Variants in RELL1 observed in about 807,000 individuals in gnomAD.
RELL1 encodes the protein RELT-like protein 1.
Under a neutral mutation model 23.0 loss-of-function variants are expected in RELL1, and 10 were observed. The ratio of observed to expected loss-of-function variants is 0.43; its 90% CI spans 0.27 to 0.74. RELL1 has a LOEUF of 0.74. Among genes scored for constraint, RELL1 ranks in the 30% least tolerant of loss-of-function variants. The probability of loss-of-function intolerance (pLI) is 0.19; values close to 1 mark genes in which losing one functional copy is unlikely to be tolerated. For synonymous variants in RELL1, 146 were observed against 146.8 expected (o/e 0.99, Z 0.04); for missense variants, 315 against 364.4 (o/e 0.86, Z 1.10).
intron 6 of RELL1, chr4:37,622,996 G>A (rs1273408612): frequency 5.5e-6 from 2 of 364,524 alleles, no homozygotes; most frequent in Non-Finnish European, 5.3e-6. Flanking sequence ...GTAGAGATGG[G>A]GTTTCACCGT....
intron 1 of RELL1, among the ~76,000 whole-genome samples, chr4:37,670,861 C>G (rs996011230): frequency 6.6e-6 from 1 of 152,134 alleles, no homozygotes; most frequent in East Asian, 1.9e-4. Context: ...CATGAGCCAC[C>G]GCACCCGGCC....
chr4:37,663,078 G>C (rs1721410539), intron 1 of RELL1, among the ~76,000 whole-genome samples: 1 of 152,132 alleles, frequency 6.6e-6, no homozygotes, highest in African/African-American at 2.4e-5. Flanking sequence ...CACATCAGTG[G>C]GGTCCTCAGA....
intron 5 of RELL1, among the ~76,000 whole-genome samples, chr4:37,632,111 A>C (rs1720163708): frequency 2.2e-5 from 3 of 138,994 alleles, no homozygotes; most frequent in Admixed American, 7.2e-5. Flanking sequence ...AAAAAAAAAC[A>C]CCTCAGAGAC....
At chr4:37,638,550 G>T in intron 3 of RELL1, 46 bp from the exon 4 acceptor site, 1 of 1,391,334 alleles carries the variant, frequency 7.2e-7, no homozygotes, top group Non-Finnish European at 1.0e-6. Context: ...GAATGAATAA[G>T]ATGAGTAATC....
At chr4:37,633,408 CAAAAAAAAAAAAAAAA>C (rs57256942) in intron 5 of RELL1, among the ~76,000 whole-genome samples, 4 of 62,990 alleles carry the variant, frequency 6.4e-5, no homozygotes, top group Non-Finnish European at 1.2e-4. Context: ...GACTCCACCT[CAAAAAAAAAAAAAAAA>C]AAAAAAAAAA....
At chr4:37,659,576 T>G (rs1487018885) in intron 1 of RELL1, among the ~76,000 whole-genome samples, 2 of 151,934 alleles carry the variant, frequency 1.3e-5, no homozygotes, top group African/African-American at 4.8e-5. Flanking sequence ...TCAAAAGGGG[T>G]TTTTCTTCAT....
intron 3 of RELL1, among the ~76,000 whole-genome samples, chr4:37,645,749 T>C (rs1411510657): frequency 6.6e-6 from 1 of 152,240 alleles, no homozygotes; most frequent in Non-Finnish European, 1.5e-5. Flanking sequence ...TATAGGGATG[T>C]TTTGAAGATT....
intron 6 of RELL1, among the ~76,000 whole-genome samples, chr4:37,596,081 T>G (rs1169759084): frequency 1.3e-5 from 2 of 152,200 alleles, no homozygotes; most frequent in Non-Finnish European, 2.9e-5. Context: ...CCTGCCCATG[T>G]GACACGTGCC....
intron 1 of RELL1, among the ~76,000 whole-genome samples, chr4:37,684,432 A>T (rs937046832): frequency 1.3e-5 from 2 of 151,958 alleles, no homozygotes; most frequent in Admixed American, 6.5e-5. Context: ...TGTTGCTCAG[A>T]GGTCAAACCA....
intron 5 of RELL1, among the ~76,000 whole-genome samples, 159 bp from the exon 6 acceptor site, chr4:37,631,682 G>A (rs1383834516): frequency 6.6e-6 from 1 of 152,060 alleles, no homozygotes; most frequent in African/African-American, 2.4e-5. Context: ...TTCCTATCCA[G>A]TACATTCCCC....
At chr4:37,686,073 T>G in intron 1 of RELL1, 127 bp downstream of exon 1, 1 of 815,776 alleles carries the variant, frequency 1.2e-6, no homozygotes. Context: ...AGTTGTTCAG[T>G]GCCGGGATCC....
chr4:37,669,084 G>A (rs1382162306), intron 1 of RELL1, among the ~76,000 whole-genome samples: 7 of 121,758 alleles, frequency 5.7e-5, no homozygotes, highest in South Asian at 5.5e-4. Context: ...CTGGCCAGCC[G>A]CCCCGTCTGG....
rs1263685940 is a variant in RELL1 at position 37,664,657 on chromosome 4, A to C, written c.89-15157T>G. 3.3e-5 allele frequency among the ~76,000 whole-genome samples: 5 copies of C among 152,194 alleles called. No homozygotes were observed. The East Asian group carries it at 9.6e-4, about 29-fold the overall frequency. ...TCATACACATGAGATAGGGACACAC[A>C]GTACAAGATATAAAAGTTCCCACCC... On this transcript the variant is annotated intron_variant, in intron 1 of 6. Transcript: ENST00000454158.
intron 6 of RELL1, among the ~76,000 whole-genome samples, chr4:37,596,015 T>A (rs568490880): frequency 6.6e-6 from 1 of 152,290 alleles, no homozygotes; most frequent in South Asian, 2.1e-4. Context: ...GCGCCCAGGG[T>A]TGACCCTTCA....
intron 1 of RELL1, among the ~76,000 whole-genome samples, chr4:37,658,907 G>C (rs759368684): frequency 6.6e-6 from 1 of 152,118 alleles, no homozygotes; most frequent in Non-Finnish European, 1.5e-5. Context: ...AGACTCCAAA[G>C]CAGTTTTACC....
intron 6 of RELL1, among the ~76,000 whole-genome samples, chr4:37,624,670 C>A (rs1208904890): frequency 6.6e-6 from 1 of 151,934 alleles, no homozygotes; most frequent in Non-Finnish European, 1.5e-5. Context: ...ACCTCGTGAT[C>A]CGCCCACCTC....
intron 1 of RELL1, among the ~76,000 whole-genome samples, chr4:37,662,874 C>G (rs1415944658): frequency 1.3e-5 from 2 of 152,098 alleles, no homozygotes; most frequent in African/African-American, 4.8e-5. Context: ...AACTTCTGGA[C>G]TCTTCCAGAG....
At chr4:37,667,899 TTGTA>T (rs1721592681) in intron 1 of RELL1, among the ~76,000 whole-genome samples, 1 of 152,116 alleles carries the variant, frequency 6.6e-6, no homozygotes, top group Non-Finnish European at 1.5e-5. Flanking sequence ...TAGAAACACT[TTGTA>T]TGAAGGGATC....
chr4:37,634,849 T>C, intron 5 of RELL1, 38 bp downstream of exon 5: 2 of 1,548,806 alleles, frequency 1.3e-6, no homozygotes, highest in East Asian at 2.2e-5. Flanking sequence ...AGAGCACCCA[T>C]GTCACACACA....
Sources: allele counts gnomAD v4.1 joint callset (sites outside exome capture counted in the v4.1 genomes callset), GRCh38; gene constraint gnomAD v4.1.1; transcripts MANE v1.5; gene names NCBI Gene and HGNC (gene_info 2026-07-23, HGNC 2026-07-21).